The following C16orf54 variants were observed in gnomAD, a reference collection of about 807,000 sequenced individuals.
The protein encoded by C16orf54 is chromosome 16 open reading frame 54.
In C16orf54, 2 loss-of-function variants were observed where a neutral mutation model predicts 3.9. That is an observed-to-expected ratio of 0.52 (90% CI 0.21 to 1.63). The LOEUF is 1.63. C16orf54 is among the 40% of genes most tolerant of loss of function. The pLI, the probability that C16orf54 is intolerant of heterozygous loss-of-function variation, is 0.21. For missense variants in C16orf54, 272 were observed against 326.3 expected, an observed-to-expected ratio of 0.83 and a Z score of 1.28; for synonymous variants, 128 against 135.1, an observed-to-expected ratio of 0.95 and a Z score of 0.37.
Position 29,744,282 on chromosome 16 carries a change from AC to A in C16orf54, c.669del (p.Phe224SerfsTer27). The A allele has an allele frequency of 1.2e-6, 2 of 1,612,492 alleles. No individual in the cohort carries two copies. Among genetic ancestry groups the A allele is most frequent in the Non-Finnish European group, 1.7e-6 (2 of 1,179,700 alleles). ...CTCTGGGGAACCCTGGGGATTCAGA[AC>A]CCCACACTGGTCCGGCCTTCACGCT... ...FWKREGRTSV[G>X]F On this transcript the variant is annotated frameshift_variant, in exon 2 of 2. Transcript: ENST00000329410. LOFTEE classifies it high-confidence loss of function. The surrounding 1 kb of genome is among the most constrained non-coding windows in gnomAD (Gnocchi z 7.1).
chr16:29,744,661 G>A lies in C16orf54; in HGVS notation c.291C>T (p.Gly97=). The A allele has an allele frequency of 1.4e-6, 2 of 1,474,226 alleles. No homozygotes were observed. Among genetic ancestry groups the A allele is most frequent in the East Asian group, 2.4e-5 (1 of 41,052 alleles). The allele number at this position is 1,474,226 out of a possible 1,614,324, so 91.3% of individuals were successfully genotyped here. The part of the protein sequence containing the change: ...TARERSEDWY[G]SAVPLLTDRA... ...GATCTGTCAGCAGGGGGACCGCAGA[G>A]CCATACCAGTCCTCAGAGCGCTCTC... Residue 97 remains glycine (G), a synonymous_variant, in exon 2 of 2, where the codon GGC becomes GGT. Coordinates refer to ENST00000329410, the MANE Select transcript of C16orf54 (RefSeq NM_175900.4). This position sits in a 1 kb window ranked among gnomAD's most constrained non-coding sequence, Gnocchi z 7.1.
Position 29,744,294 on chromosome 16 carries a change from T to C in C16orf54, c.658A>G (p.Thr220Ala). The change falls in exon 2 of 2, where the codon ACC becomes GCC. Residue 220 changes from threonine to alanine, a missense_variant. By Grantham distance (58) the Thr-to-Ala change is moderately conservative (BLOSUM62 0). Coordinates refer to ENST00000329410, the MANE Select transcript of C16orf54 (RefSeq NM_175900.4). This position sits in a 1 kb window ranked among gnomAD's most constrained non-coding sequence, Gnocchi z 7.1. ...CTGGGGATTCAGAACCCCACACTGG[T>C]CCGGCCTTCACGCTTCCAGAAAGCT... ...ISAFWKREGRTSVGF is the reference protein window; with the variant it reads ...ISAFWKREGRASVGF The C allele has an allele frequency of 1.2e-6, 2 of 1,612,900 alleles. No individual in the cohort carries two copies. Among genetic ancestry groups the C allele is most frequent in the Non-Finnish European group, 1.7e-6 (2 of 1,179,956 alleles).
Position 29,744,914 on chromosome 16 carries a change from TC to T in C16orf54, c.37del (p.Glu13ArgfsTer91). On this transcript the variant is annotated frameshift_variant, in exon 2 of 2. Transcript: ENST00000329410. LOFTEE classifies it low-confidence loss of function (END_TRUNC). This position sits in a 1 kb window ranked among gnomAD's most constrained non-coding sequence, Gnocchi z 7.1. ...GGCTGCTTCCCATGCGGGGGGCCCC[TC>T]CACGCGCCCAGAGGGCGGCTCTGGA... is the stretch of plus-strand genomic sequence containing the variant. ...LTPEPPSGRV[E>X]GPPAWEAAPW... The T allele has an allele frequency of 6.8e-7, 1 of 1,464,444 alleles. No individual in the cohort carries two copies. 90.7% of individuals were successfully genotyped at this position (1,464,444 alleles called of 1,614,324 possible).
Position 29,744,705 on chromosome 16 carries a change from C to T in C16orf54, c.247G>A (p.Glu83Lys), listed in dbSNP as rs1442702229. ...VWRPGGELWI[E>K]PMGTARERSE... The stretch of plus-strand genomic sequence containing the variant: ...CGCTCTCGGGCGGTGCCCATGGGCT[C>T]AATCCACAGCTCTCCTCCTGGGCGC... Residue 83 changes from glutamate to lysine, a missense_variant, in exon 2 of 2, where the codon GAG (glutamate) becomes AAG (lysine). Physicochemically the swap from Glu to Lys is moderately conservative, Grantham distance 56. Coordinates refer to ENST00000329410, the MANE Select transcript of C16orf54 (RefSeq NM_175900.4). The surrounding 1 kb of genome is among the most constrained non-coding windows in gnomAD (Gnocchi z 7.1). 6.8e-7 allele frequency: 1 copy of T among 1,465,448 alleles called. No homozygotes were observed. Among genetic ancestry groups the T allele is most frequent in the Non-Finnish European group, 9.0e-7 (1 of 1,109,404 alleles). The allele number at this position is 1,465,448 out of a possible 1,614,324, so 90.8% of individuals were successfully genotyped here. A position where few individuals can be genotyped will look rare whatever the true frequency, so the allele number is the denominator to read the frequency against.
rs146967159 is a variant in C16orf54 at position 29,745,692 on chromosome 16, C to A, written c.-1+219G>T. On this transcript the variant is annotated intron_variant, in intron 1 of 1. Coordinates refer to ENST00000329410, the MANE Select transcript of C16orf54 (RefSeq NM_175900.4). ...CTGGCCCCTTGAGGCTCCTTCGCCC[C>A]TCACCATTCTCCTCGGACTTGATCT... is the stretch of plus-strand genomic sequence containing the variant. Among the ~76,000 whole-genome samples the A allele has an allele frequency of 1.2e-3, 190 of 152,300 alleles. 1 individual carries two copies. The highest frequency in any genetic ancestry group is 4.2e-3 in the African/African-American group (173 of 41,570).
rs778377455 is a variant in C16orf54 at position 29,743,910 on chromosome 16, C to A, written c.*367G>T. The A allele has an allele frequency of 2.1e-5, 6 of 291,308 alleles. No individual in the cohort carries two copies. The highest frequency in any genetic ancestry group is 3.3e-5 in the Non-Finnish European group (5 of 153,742). The allele number at this position is 291,308 out of a possible 1,614,324, so 18.0% of individuals were successfully genotyped here. A position where few individuals can be genotyped will look rare whatever the true frequency, so the allele number is the denominator to read the frequency against. On this transcript the variant is annotated 3_prime_UTR_variant, in exon 2 of 2. Coordinates refer to ENST00000329410, the MANE Select transcript of C16orf54 (RefSeq NM_175900.4). ...GCTGTTCAGCACCGCAGGACCCGTT[C>A]TCTTTGGTATTGGTGGCTTCGGTAA...
rs1308958053 is a variant in C16orf54 at position 29,744,375 on chromosome 16, C to G, written c.577G>C (p.Gly193Arg). The G allele has an allele frequency of 2.5e-6, 4 of 1,610,774 alleles. No individual in the cohort carries two copies. In the East Asian group the frequency reaches 8.9e-5, roughly 36 times the overall value. Reference sequence around the variant, plus strand: ...AGGCCCCACTCAGGATCCGGGCTCCCTGGCCGCTGCCTCCTGGCCTGGGGG... The same window carrying G: ...AGGCCCCACTCAGGATCCGGGCTCCGTGGCCGCTGCCTCCTGGCCTGGGGG... ...GSPQARRQRP[G>R]SPDPEWGLQP... The change falls in exon 2 of 2, where the codon GGG becomes CGG. Residue 193 changes from glycine (G) to arginine (R), a missense_variant. Gly to Arg is a moderately radical substitution (Grantham distance 125). Transcript: ENST00000329410. This position sits in a 1 kb window ranked among gnomAD's most constrained non-coding sequence, Gnocchi z 7.1.
intron 1 of C16orf54, 68 bp from the exon 2 acceptor site, chr16:29,745,019 G>T (rs1968120844): frequency 7.5e-7 from 1 of 1,333,912 alleles, no homozygotes; most frequent in Admixed American, 3.6e-5. Context: ...ATGAGAGAGA[G>T]GCAGCAGGTG....
chr16:29,744,371 C>G lies in C16orf54; in HGVS notation c.581G>C (p.Ser194Thr). Residue 194 changes from serine to threonine, a missense_variant, in exon 2 of 2, where the codon AGC becomes ACC. By Grantham distance (58) the Ser-to-Thr change is moderately conservative. Transcript: ENST00000329410. This position sits in a 1 kb window ranked among gnomAD's most constrained non-coding sequence, Gnocchi z 7.1. Reference protein sequence around the residue: ...SPQARRQRPGSPDPEWGLQPR... With the variant: ...SPQARRQRPGTPDPEWGLQPR... ...CTGGAGGCCCCACTCAGGATCCGGG[C>G]TCCCTGGCCGCTGCCTCCTGGCCTG... 2 of 1,611,636 alleles carry G rather than the reference C, an allele frequency of 1.2e-6. No homozygotes were observed. The highest frequency in any genetic ancestry group is 1.7e-6 in the Non-Finnish European group (2 of 1,179,538).
chr16:29,744,836 G>A lies in C16orf54; in HGVS notation c.116C>T (p.Ala39Val). Residue 39 changes from alanine to valine, a missense_variant, in exon 2 of 2, where the codon GCC (alanine) becomes GTC (valine). Physicochemically the swap from Ala to Val is moderately conservative, Grantham distance 64. Transcript: ENST00000329410. The surrounding 1 kb of genome is among the most constrained non-coding windows in gnomAD (Gnocchi z 7.1). Reference sequence around the variant, plus strand: ...GAGGATGAAGAGCGCAGCCAGGGTGGCCAGGACCAGCATGATGGGGATGCA... The same window carrying A: ...GAGGATGAAGAGCGCAGCCAGGGTGACCAGGACCAGCATGATGGGGATGCA... Reference protein sequence around the residue: ...GPCIPIMLVLATLAALFILTT... With the variant: ...GPCIPIMLVLVTLAALFILTT... 2 of 1,479,678 alleles carry A rather than the reference G, an allele frequency of 1.4e-6. No homozygotes were observed. Among genetic ancestry groups the A allele is most frequent in the Non-Finnish European group, 1.8e-6 (2 of 1,119,794 alleles). 91.7% of individuals were successfully genotyped at this position (1,479,678 alleles called of 1,614,324 possible).
chr16:29,744,469 G>C lies in C16orf54; in HGVS notation c.483C>G (p.Pro161=). ...FWGPQPWEGR[P]PATGLVSWAE... is the part of the protein sequence containing the mutation. The stretch of plus-strand genomic sequence containing the variant: ...CCCAGCTCACCAGGCCTGTGGCGGG[G>C]GGCCTCCCCTCCCAGGGCTGGGGCC... The change falls in exon 2 of 2, where the codon CCC becomes CCG. Residue 161 remains proline (P), a synonymous_variant. Transcript: ENST00000329410. The surrounding 1 kb of genome is among the most constrained non-coding windows in gnomAD (Gnocchi z 7.1). 6.4e-7 allele frequency: 1 copy of C among 1,551,388 alleles called. No individual in the cohort carries two copies. The highest frequency in any genetic ancestry group is 1.4e-5 in the African/African-American group (1 of 73,298).
In C16orf54 at chr16:29,744,271, G is replaced by A; in HGVS notation, c.*6C>T. ...GCCTCGGGGATCTCTGGGGAACCCT[G>A]GGGATTCAGAACCCCACACTGGTCC... On this transcript the variant is annotated 3_prime_UTR_variant, in exon 2 of 2. Transcript: ENST00000329410. The surrounding 1 kb of genome is among the most constrained non-coding windows in gnomAD (Gnocchi z 7.1). 1 of 1,611,422 alleles carries A rather than the reference G, an allele frequency of 6.2e-7. No individual in the cohort carries two copies. The highest frequency in any genetic ancestry group is 8.5e-7 in the Non-Finnish European group (1 of 1,178,898).
intron 1 of C16orf54, chr16:29,745,438 GCCAGGCCCTCCTGCCTGGCTCT>G (rs1319408821): frequency 1.3e-5 from 2 of 153,286 alleles, no homozygotes; most frequent in Non-Finnish European, 2.9e-5. Flanking sequence ...TCGGGGCACA[GCCAGGCCCTCCTGCCTGGCTCT>G]CCAGGCCTTT....
chr16:29,743,193 G>A lies in C16orf54; in HGVS notation c.*1084C>T, dbSNP rs1440994601. 7.5e-6 allele frequency: 1 copy of A among 133,268 alleles called. No homozygotes were observed. The highest frequency in any genetic ancestry group is 1.6e-5 in the Non-Finnish European group (1 of 64,178). The allele number at this position is 133,268 out of a possible 1,614,324, so 8.3% of individuals were successfully genotyped here. A position where few individuals can be genotyped will look rare whatever the true frequency, so the allele number is the denominator to read the frequency against. On this transcript the variant is annotated 3_prime_UTR_variant, in exon 2 of 2. Coordinates refer to ENST00000329410, the MANE Select transcript of C16orf54 (RefSeq NM_175900.4). ...GAGCCTAGGAGTTCGAGGCTGTAGT[G>A]AGTTGAGATTGTGCCACTGCACTCC...
At position 29,743,975 on chromosome 16, in the gene C16orf54, CCTGA is replaced by C; in HGVS notation, c.*298_*301del. 2.2e-6 allele frequency: 1 copy of C among 448,474 alleles called. No individual in the cohort carries two copies. The allele number at this position is 448,474 out of a possible 1,614,324, so 27.8% of individuals were successfully genotyped here. On this transcript the variant is annotated 3_prime_UTR_variant, in exon 2 of 2. Coordinates refer to ENST00000329410, the MANE Select transcript of C16orf54 (RefSeq NM_175900.4). ...TGGAGGTGGCTGGTCGATGCCATTT[CCTGA>C]CTATCTAGTACCTTGGGTTCTTCAT...
At chr16:29,745,653 C>T (rs1484621467) in intron 1 of C16orf54, among the ~76,000 whole-genome samples, 3 of 152,154 alleles carry the variant, frequency 2.0e-5, no homozygotes, top group East Asian at 1.9e-4. Context: ...CACCGCCTGC[C>T]GCCAGCACCT....
chr16:29,745,180 A>G, intron 1 of C16orf54: 1 of 418,242 alleles, frequency 2.4e-6, no homozygotes, highest in Non-Finnish European at 4.1e-6. Context: ...AATAATTTAA[A>G]AACTAGCTGG....
intron 1 of C16orf54, among the ~76,000 whole-genome samples, chr16:29,745,655 C>T (rs774701246): frequency 1.3e-5 from 2 of 152,200 alleles, no homozygotes; most frequent in Non-Finnish European, 2.9e-5. Flanking sequence ...CCGCCTGCCG[C>T]CAGCACCTCC....
Position 29,742,579 on chromosome 16 carries a change from A to C in C16orf54, c.*1698T>G, listed in dbSNP as rs927209298. On this transcript the variant is annotated 3_prime_UTR_variant, in exon 2 of 2. Transcript: ENST00000329410. ...CCTGTTGCAATAATTTCATTAAGTG[A>C]ATAATGAGCCAATTTAAAGAAAAAT... 3 of 152,348 alleles carry C rather than the reference A, an allele frequency of 2.0e-5. No homozygotes were observed. Among genetic ancestry groups the C allele is most frequent in the African/African-American group, 7.2e-5 (3 of 41,582 alleles). The allele number at this position is 152,348 out of a possible 1,614,324, so 9.4% of individuals were successfully genotyped here.
Sources: allele counts gnomAD v4.1 joint callset (sites outside exome capture counted in the v4.1 genomes callset), GRCh38; gene constraint gnomAD v4.1.1; non-coding constraint Gnocchi (gnomAD v3.1); transcripts MANE v1.5; gene names NCBI Gene and HGNC (gene_info 2026-07-23, HGNC 2026-07-21).